ABCB11: variants seen among roughly 807,000 people sequenced by gnomAD.
ABCB11 encodes ATP binding cassette subfamily B member 11, also known as bile salt export pump.
Under a neutral mutation model 148.0 loss-of-function variants are expected in ABCB11, and 95 were observed. The ratio of observed to expected loss-of-function variants is 0.64; its 90% CI spans 0.54 to 0.76. ABCB11 has a LOEUF of 0.76. Among genes scored for constraint, ABCB11 ranks in the 30% least tolerant of loss-of-function variants. The probability of loss-of-function intolerance (pLI) is 0.00; values close to 1 mark genes in which losing one functional copy is unlikely to be tolerated. For synonymous variants in ABCB11, 591 were observed against 555.4 expected, an observed-to-expected ratio of 1.06 and a Z score of -0.90; for missense variants, 1,523 against 1,617.8, an observed-to-expected ratio of 0.94 and a Z score of 1.01.
In ABCB11 at chr2:168,973,565, G is replaced by T. The variant is rs1693688294; in HGVS notation, c.1434+150C>A. 4 of 936,216 alleles carry T rather than the reference G, an allele frequency of 4.3e-6. No homozygotes were observed. The East Asian group carries it at 1.1e-4, about 25-fold the overall frequency. 58.0% of individuals were successfully genotyped at this position (936,216 alleles called of 1,614,324 possible). On this transcript the variant is annotated intron_variant, in intron 13 of 27. Transcript: ENST00000650372. Reference sequence around the variant, plus strand: ...ACTGAACACTGTTACCATGTAGGAAGCGTGTCCCATCAATTCAGTAACAAA... The same window carrying T: ...ACTGAACACTGTTACCATGTAGGAATCGTGTCCCATCAATTCAGTAACAAA...
chr2:168,935,504 A>G, intron 22 of ABCB11, 79 bp from the exon 23 acceptor site: 2 of 1,518,262 alleles, frequency 1.3e-6, no homozygotes, highest in Non-Finnish European at 1.8e-6. Context: ...TGCCTGGATT[A>G]GATGGTGCAA....
Position 169,015,972 on chromosome 2 carries a change from C to G in ABCB11, c.98+806G>C, listed in dbSNP as rs553042165. On this transcript the variant is annotated intron_variant, in intron 3 of 27. Coordinates refer to ENST00000650372, the MANE Select transcript of ABCB11 (RefSeq NM_003742.4). ...TCAACATGCAATGCACACTTCATTT[C>G]TCTGCGGATTGCTCCCATTCTTCTC... is the stretch of plus-strand genomic sequence containing the variant. 7.2e-5 allele frequency among the ~76,000 whole-genome samples: 11 copies of G among 152,286 alleles called. No homozygotes were observed. The East Asian group carries it at 1.7e-3, about 24-fold the overall frequency.
At chr2:169,017,833 T>A in intron 2 of ABCB11, 2 of 715,178 alleles carry the variant, frequency 2.8e-6, no homozygotes, top group South Asian at 2.9e-5. Flanking sequence ...GATGCTTTCA[T>A]TTACACACAC....
intron 11 of ABCB11, among the ~76,000 whole-genome samples, chr2:168,977,656 A>G (rs909530907): frequency 2.6e-5 from 4 of 152,194 alleles, no homozygotes; most frequent in Non-Finnish European, 5.9e-5. Context: ...ATTTAGAAAG[A>G]AAAGAGTTTT....
At position 168,922,598 on chromosome 2, in the gene ABCB11, C is replaced by T. The variant is rs1436291341; in HGVS notation, c.*1024G>A. Reference sequence around the variant, plus strand: ...TTTTGTTTTCTCTCATCTTGTAACTCTATTATCAATTGTCCATTTGCTTTC... The same window carrying T: ...TTTTGTTTTCTCTCATCTTGTAACTTTATTATCAATTGTCCATTTGCTTTC... On this transcript the variant is annotated 3_prime_UTR_variant, in exon 28 of 28. Transcript: ENST00000650372. Among the ~76,000 whole-genome samples the T allele has an allele frequency of 6.6e-6, 1 of 152,146 alleles. No homozygotes were observed. Among genetic ancestry groups the T allele is most frequent in the Non-Finnish European group, 1.5e-5 (1 of 68,034 alleles).
At chr2:169,011,106 C>T (rs1695172628) in intron 5 of ABCB11, among the ~76,000 whole-genome samples, 1 of 152,130 alleles carries the variant, frequency 6.6e-6, no homozygotes, top group South Asian at 2.1e-4. Flanking sequence ...TAGATTCATT[C>T]TTTAATTCAT....
At chr2:169,021,827 A>G (rs1695549930) in intron 1 of ABCB11, among the ~76,000 whole-genome samples, 1 of 152,078 alleles carries the variant, frequency 6.6e-6, no homozygotes, top group Non-Finnish European at 1.5e-5. Flanking sequence ...ACATTTTTCA[A>G]TTACATTTGG....
intron 21 of ABCB11, among the ~76,000 whole-genome samples, chr2:168,943,749 G>A: frequency 8.7e-6 from 1 of 115,004 alleles, no homozygotes; most frequent in Non-Finnish European, 2.0e-5. Flanking sequence ...TGGTTAAACT[G>A]TCTAGGAGTT....
chr2:168,966,893 C>CAAAA, intron 17 of ABCB11, among the ~76,000 whole-genome samples: 1 of 151,468 alleles, frequency 6.6e-6, no homozygotes, highest in East Asian at 2.0e-4. Context: ...TCCTAATCAC[C>CAAAA]AAAATGTAAC....
chr2:169,029,117 C>CA (rs1332979111), intron 1 of ABCB11, among the ~76,000 whole-genome samples: 1 of 152,054 alleles, frequency 6.6e-6, no homozygotes, highest in African/African-American at 2.4e-5. Flanking sequence ...AGGGTCCCTC[C>CA]ACGGCTTTTC....
intron 8 of ABCB11, 77 bp from the exon 9 acceptor site, chr2:168,991,002 A>G: frequency 6.7e-7 from 1 of 1,498,508 alleles, no homozygotes; most frequent in Non-Finnish European, 9.1e-7. Context: ...AGATTCATTT[A>G]ACATGTGGCA....
intron 19 of ABCB11, 101 bp downstream of exon 19, chr2:168,957,863 T>G (rs1354091693): frequency 2.6e-6 from 3 of 1,146,040 alleles, no homozygotes; most frequent in Non-Finnish European, 3.5e-6. Flanking sequence ...AAAAATGAAC[T>G]AACAGAAAAG....
At chr2:168,917,994 G>T (rs1690974547), downstream of ABCB11, among the ~76,000 whole-genome samples, 1 of 152,008 alleles carries the variant, frequency 6.6e-6, no homozygotes, top group Non-Finnish European at 1.5e-5. Flanking sequence ...GGATATGTTG[G>T]GTTGAATAAA....
In ABCB11 at chr2:169,029,724, C is replaced by CTTTTTTTTTTTTTT. The variant is rs1166356679; in HGVS notation, c.-28+1487_-28+1500dup. Among the ~76,000 whole-genome samples, 33 of 88,294 alleles carry CTTTTTTTTTTTTTT rather than the reference C, an allele frequency of 3.7e-4. 3 individuals are homozygous for CTTTTTTTTTTTTTT. The highest frequency in any genetic ancestry group is 1.7e-3 in the African/African-American group (30 of 17,422). The allele number at this position is 88,294 out of a possible 152,430, so 57.9% of individuals were successfully genotyped here. A position where few individuals can be genotyped will look rare whatever the true frequency, so the allele number is the denominator to read the frequency against. ...GTCTCTAAATGTACAGTTCTTTCCT[C>CTTTTTTTTTTTTTT]TTTTTTTTTTTTTTTTTTTTTTTTT... On this transcript the variant is annotated intron_variant, in intron 1 of 27. Transcript: ENST00000650372.
chr2:168,959,726 G>A (rs1034126103), intron 18 of ABCB11, among the ~76,000 whole-genome samples: 1 of 151,462 alleles, frequency 6.6e-6, no homozygotes, highest in Non-Finnish European at 1.5e-5. Flanking sequence ...AAAGAGTCAG[G>A]CTCCTCAAGC....
At position 168,936,390 on chromosome 2, in the gene ABCB11, T is replaced by C; in HGVS notation, c.2654A>G (p.Asn885Ser). Residue 885 changes from asparagine to serine, a missense_variant, in exon 22 of 28, where the codon AAC (asparagine) becomes AGC (serine). Transcript: ENST00000650372. ...QIGMIVNSFT[N>S]VTVAMIIAFS... is the part of the protein sequence containing the mutation. ...GGCAATGATCATGGCCACAGTGACG[T>C]TAGTGAAGGAATTGACTATCATCCC... 1 of 1,613,904 alleles carries C rather than the reference T, an allele frequency of 6.2e-7. No individual in the cohort carries two copies. Among genetic ancestry groups the C allele is most frequent in the Non-Finnish European group, 8.5e-7 (1 of 1,179,856 alleles).
intron 3 of ABCB11, among the ~76,000 whole-genome samples, chr2:169,014,782 G>A (rs2106050796): frequency 6.6e-6 from 1 of 152,188 alleles, no homozygotes; most frequent in East Asian, 1.9e-4. Flanking sequence ...AAATAATGTT[G>A]ATAATGATGA....
intron 1 of ABCB11, among the ~76,000 whole-genome samples, chr2:169,020,983 GACCAAGT>G (rs1332441833): frequency 6.7e-6 from 1 of 148,722 alleles, no homozygotes; most frequent in African/African-American, 2.5e-5. Context: ...TTTTTTCTGA[GACCAAGT>G]CTTGCTCTGT....
chr2:168,970,653 T>C (rs1290340779), intron 14 of ABCB11: 1 of 296,896 alleles, frequency 3.4e-6, no homozygotes, highest in Non-Finnish European at 6.6e-6. Context: ...AGGATTATCA[T>C]TGACAAAAGA....
Sources: gnomAD v4.1 joint callset for allele counts (sites outside exome capture counted in the v4.1 genomes callset) on GRCh38, gnomAD v4.1.1 for gene constraint, MANE v1.5 for transcripts, NCBI Gene and HGNC (gene_info 2026-07-23, HGNC 2026-07-21) for gene names.